The following RNF19A variants were observed in gnomAD, a reference collection of about 807,000 sequenced individuals.
The protein encoded by RNF19A is E3 ubiquitin-protein ligase RNF19A.
RNF19A carries 32 observed loss-of-function variants against 75.7 expected under a neutral mutation model. The observed-to-expected ratio is 0.42, with a 90% CI of 0.32 to 0.57. The LOEUF (loss-of-function observed/expected upper bound fraction) is 0.57, where lower values mean the gene tolerates loss of function less well. Ranked by LOEUF, RNF19A falls within the 20% of genes least tolerant of loss-of-function variation. The pLI is 0.10. For missense variants in RNF19A, 782 were observed against 1,036.3 expected (o/e 0.75, Z 3.37); for synonymous variants, 335 against 345.2 (o/e 0.97, Z 0.33).
chr8:100,309,599 CT>C, intron 1 of RNF19A: 2 of 963,590 alleles, frequency 2.1e-6, no homozygotes, highest in Non-Finnish European at 2.5e-6. Context: ...CACGCTCCAC[CT>C]CGGCCCCCGC....
At chr8:100,273,201 T>C (rs1159166158) in intron 3 of RNF19A, among the ~76,000 whole-genome samples, 4 of 152,210 alleles carry the variant, frequency 2.6e-5, no homozygotes, top group Non-Finnish European at 5.9e-5. Context: ...AAATTCCAAA[T>C]GAAGTTTTTT....
chr8:100,299,862 T>C (rs1447592734), intron 1 of RNF19A, among the ~76,000 whole-genome samples: 1 of 152,218 alleles, frequency 6.6e-6, no homozygotes, highest in African/African-American at 2.4e-5. Flanking sequence ...TTGATAACAG[T>C]AGCATCCCAC....
chr8:100,334,299 G>A (rs7818506), intron 1 of RNF19A, among the ~76,000 whole-genome samples: 73,936 of 152,156 alleles, frequency 0.49, 20,879 homozygotes, highest in African/African-American at 0.79. Flanking sequence ...AAGGCAGGCA[G>A]TATTAATCAT....
chr8:100,263,442 A>G (rs146130198), intron 7 of RNF19A, among the ~76,000 whole-genome samples: 1 of 152,360 alleles, frequency 6.6e-6, no homozygotes, highest in African/African-American at 2.4e-5. Flanking sequence ...GTAGGGACAA[A>G]AATCTGATTG....
chr8:100,268,692 A>G, intron 5 of RNF19A, 93 bp downstream of exon 5: 1 of 754,710 alleles, frequency 1.3e-6, no homozygotes, highest in Non-Finnish European at 1.9e-6. Flanking sequence ...CTAAAAAAAA[A>G]AAAAAAAAAA....
At position 100,261,613 on chromosome 8, in the gene RNF19A, G is replaced by A. The variant is rs376159826; in HGVS notation, c.1611C>T (p.Ser537=). ...AIRDNLSETA[S]TMALAGASIT... ...TACTGGCTCCAGCTAGTGCCATGGT[G>A]CTGGCCGTTTCACTCAGGTTGTCTC... The change falls in exon 8 of 10, where the codon AGC becomes AGT. Residue 537 remains serine (S), a synonymous_variant. Coordinates refer to ENST00000341084, the MANE Select transcript of RNF19A (RefSeq NM_183419.4). The surrounding 1 kb of genome is among the most constrained non-coding windows in gnomAD (Gnocchi z 4.4). 5.8e-5 allele frequency: 93 copies of A among 1,613,946 alleles called. 1 individual carries two copies. The Middle Eastern group carries it at 1.3e-3, about 23-fold the overall frequency.
At chr8:100,295,322 T>TC (rs777714797) in intron 1 of RNF19A, among the ~76,000 whole-genome samples, 7 of 152,234 alleles carry the variant, frequency 4.6e-5, no homozygotes, top group Non-Finnish European at 1.0e-4. Context: ...TTGACAGCAC[T>TC]CTATTTTTCG....
upstream of RNF19A, among the ~76,000 whole-genome samples, chr8:100,314,310 ATTGCTT>A (rs1439491495): frequency 6.6e-6 from 1 of 152,064 alleles, no homozygotes; most frequent in African/African-American, 2.4e-5. The surrounding 1 kb of genome is among the most constrained non-coding windows in gnomAD (Gnocchi z 4.1). Context: ...CACTATTCTG[ATTGCTT>A]TATAAGTATT....
chr8:100,276,295 C>G (rs916563283), intron 2 of RNF19A, among the ~76,000 whole-genome samples: 8 of 152,262 alleles, frequency 5.3e-5, no homozygotes, highest in African/African-American at 1.9e-4. Flanking sequence ...TTAGGTGACT[C>G]TTCAGAGAAT....
At chr8:100,303,836 C>A (rs532943199) in intron 1 of RNF19A, among the ~76,000 whole-genome samples, 1 of 150,954 alleles carries the variant, frequency 6.6e-6, no homozygotes, top group Admixed American at 6.6e-5. Flanking sequence ...TACTGGCAGG[C>A]TGAGGAATGA....
chr8:100,265,710 G>T (rs1029621412), intron 5 of RNF19A, among the ~76,000 whole-genome samples: 10 of 152,140 alleles, frequency 6.6e-5, no homozygotes, highest in African/African-American at 2.4e-4. Flanking sequence ...CCTTTGGAAG[G>T]CTGTAAAGTA....
At position 100,287,511 on chromosome 8, in the gene RNF19A, G is replaced by C; in HGVS notation, c.664C>G (p.Pro222Ala). Residue 222 changes from proline to alanine, a missense_variant, in exon 2 of 10, where the codon CCA becomes GCA. Pro to Ala is a conservative substitution (Grantham distance 27, BLOSUM62 -1). Coordinates refer to ENST00000341084, the MANE Select transcript of RNF19A (RefSeq NM_183419.4). The surrounding 1 kb of genome is among the most constrained non-coding windows in gnomAD (Gnocchi z 4.1). ...ADPDCRWCPA[P>A]DCGYAVIAFG... ...ACATTATCTTCTTACCCACAGTCTG[G>C]AGCTGGACACCACCTACAATCAGGA... 1 of 1,609,644 alleles carries C rather than the reference G, an allele frequency of 6.2e-7. No homozygotes were observed.
rs540466909 is a variant in RNF19A at position 100,327,326 on chromosome 8, A to G, written c.-243+8782T>C. On this transcript the variant is annotated intron_variant, in intron 1 of 3. Coordinates refer to the RNF19A transcript ENST00000519527. Reference sequence around the variant, plus strand: ...GGGTGCAGTGGCATGATCTTGGCTCACTGCAACCTCTACCTCCTGGGTTCA... The same window carrying G: ...GGGTGCAGTGGCATGATCTTGGCTCGCTGCAACCTCTACCTCCTGGGTTCA... Among the ~76,000 whole-genome samples the G allele has an allele frequency of 1.5e-4, 19 of 131,020 alleles. No homozygotes were observed. In the South Asian group the frequency reaches 4.2e-3, roughly 29 times the overall value. 86.0% of individuals were successfully genotyped at this position (131,020 alleles called of 152,430 possible). A position where few individuals can be genotyped will look rare whatever the true frequency, so the allele number is the denominator to read the frequency against.
Position 100,270,064 on chromosome 8 carries a change from TA to T in RNF19A, c.884-52del, listed in dbSNP as rs766983470. 7 of 1,418,016 alleles carry T rather than the reference TA, an allele frequency of 4.9e-6. No individual in the cohort carries two copies. In the African/African-American group the frequency reaches 1.0e-4, roughly 21 times the overall value. 87.8% of individuals were successfully genotyped at this position (1,418,016 alleles called of 1,614,324 possible). A position where few individuals can be genotyped will look rare whatever the true frequency, so the allele number is the denominator to read the frequency against. ...TAAGTACATAAAACTGGTCTAAAAA[TA>T]ACTTCTAGCAGTTTACCAATTGTAG... On this transcript the variant is annotated intron_variant, in intron 3 of 9. Coordinates refer to ENST00000341084, the MANE Select transcript of RNF19A (RefSeq NM_183419.4).
chr8:100,309,582 C>A (rs987179716), intron 1 of RNF19A: 4 of 970,918 alleles, frequency 4.1e-6, no homozygotes, highest in African/African-American at 3.5e-5. Context: ...GGGCTTGGGG[C>A]GGATCCCACG....
intron 3 of RNF19A, among the ~76,000 whole-genome samples, chr8:100,274,442 T>C (rs778935718): frequency 2.0e-5 from 3 of 152,208 alleles, no homozygotes; most frequent in Non-Finnish European, 4.4e-5. Context: ...TAAAAAAACA[T>C]TTATGTTACA....
At chr8:100,272,869 T>C (rs375820113) in intron 3 of RNF19A, among the ~76,000 whole-genome samples, 166 of 150,656 alleles carry the variant, frequency 1.1e-3, no homozygotes, top group African/African-American at 4.0e-3. Flanking sequence ...TTTCTAATTC[T>C]TCCTCTTGTT....
Position 100,332,394 on chromosome 8 carries a change from C to T in RNF19A, c.-243+3714G>A, listed in dbSNP as rs1023390309. On this transcript the variant is annotated intron_variant, in intron 1 of 3. Coordinates refer to the RNF19A transcript ENST00000519527. The surrounding 1 kb of genome is among the most constrained non-coding windows in gnomAD (Gnocchi z 4.8). Reference sequence around the variant, plus strand: ...TTTGCACTTCTTTCTCTCCTGCCGCCTTGTGAAGAAGGTGCCTGCTTCTCG... The same window carrying T: ...TTTGCACTTCTTTCTCTCCTGCCGCTTTGTGAAGAAGGTGCCTGCTTCTCG... Among the ~76,000 whole-genome samples the T allele has an allele frequency of 1.2e-4, 18 of 152,316 alleles. No homozygotes were observed. In the East Asian group the frequency reaches 3.1e-3, roughly 26 times the overall value.
At chr8:100,303,675 G>T (rs1035406173) in intron 1 of RNF19A, among the ~76,000 whole-genome samples, 2 of 150,794 alleles carry the variant, frequency 1.3e-5, no homozygotes, top group Non-Finnish European at 2.9e-5. Context: ...TGTAATCCCA[G>T]CACTTTGGAA....
Sources: gnomAD v4.1 joint callset for allele counts (sites outside exome capture counted in the v4.1 genomes callset) on GRCh38, gnomAD v4.1.1 for gene constraint, Gnocchi (gnomAD v3.1) non-coding constraint, MANE v1.5 for transcripts, NCBI Gene and HGNC (gene_info 2026-07-23, HGNC 2026-07-21) for gene names.